Variants in LOC400499 observed in about 807,000 individuals in gnomAD.
chr16:11,406,678 C>T, the LOC400499 span, among the ~76,000 whole-genome samples: 274 of 152,330 alleles, frequency 1.8e-3, 2 homozygotes, highest in African/African-American at 6.1e-3. Flanking sequence ...GTCATCCACC[C>T]GCCTCGGCCT....
the LOC400499 span, chr16:11,465,613 A>G: frequency 6.7e-6 from 1 of 149,874 alleles, no homozygotes; most frequent in Non-Finnish European, 1.5e-5. Context: ...CAAAAAAAAG[A>G]AAAAAAGAAA....
the LOC400499 span, among the ~76,000 whole-genome samples, chr16:11,437,150 G>T: frequency 6.6e-6 from 1 of 152,202 alleles, no homozygotes; most frequent in Non-Finnish European, 1.5e-5. Context: ...GGTTGCCAGG[G>T]GGTGGAGTGT....
At chr16:11,450,777 A>G in the LOC400499 span, 2 of 1,536,076 alleles carry the variant, frequency 1.3e-6, no homozygotes, top group Non-Finnish European at 1.7e-6. Context: ...ATAGCCTGTG[A>G]GCTGCAGAGA....
chr16:11,483,832 G>A, the LOC400499 span, among the ~76,000 whole-genome samples: 1 of 151,744 alleles, frequency 6.6e-6, no homozygotes, highest in East Asian at 1.9e-4. Context: ...CCAAGATCAT[G>A]CCACTGCACT....
chr16:11,485,016 A>G, the LOC400499 span: 1 of 398,938 alleles, frequency 2.5e-6, no homozygotes, highest in Non-Finnish European at 4.4e-6. Context: ...CCCCAGAATG[A>G]CTTCCTGCCA....
chr16:11,392,374 G>C, the LOC400499 span: 1 of 399,014 alleles, frequency 2.5e-6, no homozygotes, highest in Non-Finnish European at 4.4e-6. Context: ...GGAGACTCTG[G>C]TTGGCAGCCT....
the LOC400499 span, chr16:11,500,713 A>G: frequency 2.5e-6 from 1 of 397,488 alleles, no homozygotes; most frequent in Non-Finnish European, 4.4e-6. Flanking sequence ...AGGGGCTGGC[A>G]CAAAAGAACT....
the LOC400499 span, among the ~76,000 whole-genome samples, chr16:11,489,871 G>A: frequency 3.3e-5 from 5 of 152,168 alleles, no homozygotes; most frequent in African/African-American, 4.8e-5. Context: ...TTATCTTCTG[G>A]GAAATTATCC....
the LOC400499 span, among the ~76,000 whole-genome samples, chr16:11,381,291 G>C: frequency 6.6e-6 from 1 of 152,244 alleles, no homozygotes; most frequent in Admixed American, 6.5e-5. Context: ...CTGTCACGCA[G>C]GCAGGAGTGT....
chr16:11,527,091 CGCA>C, the LOC400499 span, among the ~76,000 whole-genome samples: 1 of 152,226 alleles, frequency 6.6e-6, no homozygotes, highest in African/African-American at 2.4e-5. Flanking sequence ...ACCAGGAACG[CGCA>C]GCAGTTTTAC....
the LOC400499 span, among the ~76,000 whole-genome samples, chr16:11,513,566 A>G: frequency 0.59 from 89,319 of 151,150 alleles, 26,810 homozygotes; most frequent in Admixed American, 0.66. Context: ...GAGTAGCTGG[A>G]ATTACAGGCG....
chr16:11,490,700 CA>C, the LOC400499 span, among the ~76,000 whole-genome samples: 6 of 151,948 alleles, frequency 3.9e-5, no homozygotes, highest in Admixed American at 3.9e-4. Flanking sequence ...GACTCCGTCT[CA>C]AAAAACAAAA....
At chr16:11,462,231 C>T in the LOC400499 span, 9 of 1,533,718 alleles carry the variant, frequency 5.9e-6, no homozygotes, top group Non-Finnish European at 7.9e-6. Flanking sequence ...CCCCCCGTCA[C>T]CAGTTTCACC....
the LOC400499 span, chr16:11,440,952 G>C: frequency 2.5e-6 from 1 of 399,108 alleles, no homozygotes; most frequent in South Asian, 1.3e-4. Flanking sequence ...GTAGGAATGG[G>C]CCAAGTCCAG....
At chr16:11,389,939 G>T in the LOC400499 span, among the ~76,000 whole-genome samples, 1 of 152,190 alleles carries the variant, frequency 6.6e-6, no homozygotes, top group Admixed American at 6.5e-5. Context: ...GGTATCTATG[G>T]AGTGAGGAAG....
the LOC400499 span, chr16:11,501,054 G>C: frequency 2.5e-6 from 1 of 397,576 alleles, no homozygotes; most frequent in African/African-American, 2.1e-5. Context: ...CTGAGGCTCA[G>C]AGAGGTACGG....
the LOC400499 span, among the ~76,000 whole-genome samples, chr16:11,427,329 C>A: frequency 2.3e-5 from 2 of 86,130 alleles, no homozygotes; most frequent in Non-Finnish European, 4.2e-5. Flanking sequence ...GCCTGGGCAA[C>A]AAGAGCGAAA....
chr16:11,432,873 G>A, the LOC400499 span, among the ~76,000 whole-genome samples: 1 of 152,204 alleles, frequency 6.6e-6, no homozygotes, highest in Non-Finnish European at 1.5e-5. Flanking sequence ...ATCTTCAGCT[G>A]AGCTCTAAAT....
the LOC400499 span, chr16:11,423,369 G>A: frequency 2.5e-6 from 1 of 398,010 alleles, no homozygotes; most frequent in Non-Finnish European, 4.4e-6. Context: ...AGCCACCATG[G>A]GCAAATAACC....
Sources: gnomAD v4.1 joint callset for allele counts (sites outside exome capture counted in the v4.1 genomes callset) on GRCh38, gnomAD v4.1.1 for gene constraint, MANE v1.5 for transcripts.